The following CHST11 variants were observed in gnomAD, a reference collection of about 807,000 sequenced individuals.
The protein encoded by CHST11 is carbohydrate sulfotransferase 11.
A neutral mutation model predicts 30.4 loss-of-function variants in CHST11; 9 were observed. The ratio of observed to expected loss-of-function variants is 0.30; its 90% CI spans 0.18 to 0.52. The LOEUF is 0.52. CHST11 is among the 20% of genes least tolerant of loss of function. CHST11 has a pLI of 0.97. For synonymous variants in CHST11, 152 were observed against 187.8 expected, an observed-to-expected ratio of 0.81 and a Z score of 1.56; for missense variants, 348 against 460.6, an observed-to-expected ratio of 0.76 and a Z score of 2.24.
At position 104,757,527 on chromosome 12, in the gene CHST11, C is replaced by T. The variant is rs772486892; in HGVS notation, c.783C>T (p.Thr261=). 2.0e-5 allele frequency: 32 copies of T among 1,613,974 alleles called. No individual in the cohort carries two copies. In the Middle Eastern group the frequency reaches 6.6e-4, roughly 33 times the overall value. Residue 261 remains threonine, a synonymous_variant, in exon 3 of 3, where the codon ACC becomes ACT. Coordinates refer to ENST00000303694, the MANE Select transcript of CHST11 (RefSeq NM_018413.6). The surrounding 1 kb of genome is among the most constrained non-coding windows in gnomAD (Gnocchi z 6.5). ...REEPFNEHWQ[T]VYSLCHPCHI... The stretch of plus-strand genomic sequence containing the variant: ...AGCCTTTCAACGAACACTGGCAAAC[C>T]GTCTACTCACTCTGCCATCCCTGCC...
chr12:104,462,954 G>T (rs868189149), intron 1 of CHST11, among the ~76,000 whole-genome samples: 3 of 152,184 alleles, frequency 2.0e-5, no homozygotes, highest in African/African-American at 7.2e-5. Flanking sequence ...AAATAAAAAG[G>T]GGTGATCAGG....
chr12:104,558,955 C>T (rs2038486866), intron 1 of CHST11, among the ~76,000 whole-genome samples: 1 of 151,732 alleles, frequency 6.6e-6, no homozygotes, highest in Non-Finnish European at 1.5e-5. Flanking sequence ...AGTAACAAAC[C>T]CATCTTAATA....
At chr12:104,627,979 T>C (rs2039233972) in intron 2 of CHST11, among the ~76,000 whole-genome samples, 1 of 152,230 alleles carries the variant, frequency 6.6e-6, no homozygotes. Flanking sequence ...GTTTGACAGA[T>C]GACAATGCCA....
At chr12:104,591,046 A>G (rs1239367934) in intron 1 of CHST11, among the ~76,000 whole-genome samples, 2 of 152,182 alleles carry the variant, frequency 1.3e-5, no homozygotes, top group Non-Finnish European at 2.9e-5. Context: ...AGGGCAGAGT[A>G]AAGAAGAGAA....
At position 104,600,787 on chromosome 12, in the gene CHST11, A is replaced by G. The variant is rs574540182; in HGVS notation, c.119-1119A>G. Reference sequence around the variant, plus strand: ...CACTCATGCCACTGTTGCACCTCAAACCATAAGAAAACTGCCTCGTACTTG... The same window carrying G: ...CACTCATGCCACTGTTGCACCTCAAGCCATAAGAAAACTGCCTCGTACTTG... On this transcript the variant is annotated intron_variant, in intron 1 of 2. Coordinates refer to ENST00000303694, the MANE Select transcript of CHST11 (RefSeq NM_018413.6). The surrounding 1 kb of genome is among the most constrained non-coding windows in gnomAD (Gnocchi z 4.1). Among the ~76,000 whole-genome samples, 3 of 152,122 alleles carry G rather than the reference A, an allele frequency of 2.0e-5. No homozygotes were observed. The highest frequency in any genetic ancestry group is 7.2e-5 in the African/African-American group (3 of 41,484).
intron 2 of CHST11, among the ~76,000 whole-genome samples, chr12:104,685,430 A>G (rs754006256): frequency 6.6e-6 from 1 of 152,246 alleles, no homozygotes; most frequent in Non-Finnish European, 1.5e-5. Context: ...GAAAAGTTAT[A>G]CCATGATTTA....
chr12:104,514,083 A>G (rs1380407888), intron 1 of CHST11: 4 of 1,191,946 alleles, frequency 3.4e-6, no homozygotes. Context: ...CTGTGGTACC[A>G]GGGGTCTAAT....
chr12:104,534,498 A>G (rs2038217196), intron 1 of CHST11, among the ~76,000 whole-genome samples: 1 of 152,194 alleles, frequency 6.6e-6, no homozygotes. Context: ...TTTCGATTTC[A>G]ATGAACTTTT....
chr12:104,588,852 A>G (rs2038830536), intron 1 of CHST11: 1 of 152,116 alleles, frequency 6.6e-6, no homozygotes, highest in Non-Finnish European at 1.5e-5. Flanking sequence ...AGTTGCATAG[A>G]TACCTGAACA....
chr12:104,724,375 C>T (rs933080901), intron 2 of CHST11, among the ~76,000 whole-genome samples: 6 of 151,940 alleles, frequency 3.9e-5, no homozygotes, highest in Non-Finnish European at 8.8e-5. Context: ...TTCTGGAGAT[C>T]GGGGGTTGGT....
At chr12:104,575,705 A>G (rs1565993290) in intron 1 of CHST11, among the ~76,000 whole-genome samples, 1 of 152,008 alleles carries the variant, frequency 6.6e-6, no homozygotes, top group South Asian at 2.1e-4. Flanking sequence ...CTGTCAGGGT[A>G]AAGGATGCCG....
chr12:104,562,794 A>G (rs1261470339), intron 1 of CHST11, among the ~76,000 whole-genome samples: 1 of 152,160 alleles, frequency 6.6e-6, no homozygotes, highest in Admixed American at 6.5e-5. Flanking sequence ...CTACCTGAGC[A>G]TGAGGGACAG....
intron 1 of CHST11, 57 bp downstream of exon 1, chr12:104,457,586 C>T (rs1306826381): frequency 8.1e-7 from 1 of 1,230,948 alleles, no homozygotes; most frequent in East Asian, 2.3e-5. Context: ...CGCGCTCTAG[C>T]TCGCTCCGCC....
At position 104,694,519 on chromosome 12, in the gene CHST11, A is replaced by T. The variant is rs150561790; in HGVS notation, c.205-62430A>T. Among the ~76,000 whole-genome samples the T allele has an allele frequency of 1.8e-3, 271 of 152,298 alleles. 1 individual carries two copies. Among genetic ancestry groups the T allele is most frequent in the African/African-American group, 6.4e-3 (266 of 41,550 alleles). ...GTTTTGTTTTTGTGGTCATTTTCTT[A>T]AAAAACCTGGGTGTGGTCAAGAGCA... On this transcript the variant is annotated intron_variant, in intron 2 of 2. Coordinates refer to ENST00000303694, the MANE Select transcript of CHST11 (RefSeq NM_018413.6).
intron 1 of CHST11, among the ~76,000 whole-genome samples, chr12:104,495,717 C>T (rs2037792599): frequency 6.6e-6 from 1 of 152,096 alleles, no homozygotes; most frequent in Non-Finnish European, 1.5e-5. Flanking sequence ...CATTTTTACC[C>T]ATTTTATAGA....
At chr12:104,548,190 G>A (rs139423542) in intron 1 of CHST11, among the ~76,000 whole-genome samples, 6 of 152,202 alleles carry the variant, frequency 3.9e-5, no homozygotes, top group African/African-American at 1.4e-4. Context: ...CCTAATGCAC[G>A]GTGGCACACA....
intron 2 of CHST11, among the ~76,000 whole-genome samples, chr12:104,609,390 C>CA (rs1239923203): frequency 2.0e-5 from 3 of 152,322 alleles, no homozygotes; most frequent in African/African-American, 7.2e-5. Context: ...TTATTAATTG[C>CA]AAATTACAAT....
chr12:104,738,895 G>C (rs921972589), intron 2 of CHST11, among the ~76,000 whole-genome samples: 1 of 152,238 alleles, frequency 6.6e-6, no homozygotes, highest in African/African-American at 2.4e-5. Flanking sequence ...CTCAGGCTGT[G>C]GCCTGTTTGC....
At chr12:104,500,264 C>T (rs2135973846) in intron 1 of CHST11, among the ~76,000 whole-genome samples, 1 of 152,280 alleles carries the variant, frequency 6.6e-6, no homozygotes, top group East Asian at 1.9e-4. Context: ...TATAATATTG[C>T]CTCTCCTCTG....
Sources: allele counts gnomAD v4.1 joint callset (sites outside exome capture counted in the v4.1 genomes callset), GRCh38; gene constraint gnomAD v4.1.1; non-coding constraint Gnocchi (gnomAD v3.1); transcripts MANE v1.5; gene names NCBI Gene and HGNC (gene_info 2026-07-23, HGNC 2026-07-21).